Variants in CNTNAP3B observed in about 807,000 individuals in gnomAD.
The protein encoded by CNTNAP3B is contactin associated protein family member 3B.
In CNTNAP3B, 25 loss-of-function variants were observed where a neutral mutation model predicts 108.9. The ratio of observed to expected loss-of-function variants is 0.23; its 90% CI spans 0.17 to 0.32. CNTNAP3B has a LOEUF of 0.32. CNTNAP3B is among the 10% of genes least tolerant of loss of function. The pLI, the probability that CNTNAP3B is intolerant of heterozygous loss-of-function variation, is 1.00. For synonymous variants in CNTNAP3B, 103 were observed against 473.4 expected, an observed-to-expected ratio of 0.22 and a Z score of 10.16; for missense variants, 252 against 1,210.4, an observed-to-expected ratio of 0.21 and a Z score of 11.75.
At chr9:42,045,294 T>G (rs948846502) in intron 3 of CNTNAP3B, among the ~76,000 whole-genome samples, 2 of 120,998 alleles carry the variant, frequency 1.7e-5, no homozygotes, top group African/African-American at 7.5e-5. Flanking sequence ...TGTAAGAAAC[T>G]CAACATGAAA....
intron 13 of CNTNAP3B, among the ~76,000 whole-genome samples, chr9:41,942,829 C>T (rs1381677345): frequency 1.3e-5 from 2 of 151,732 alleles, no homozygotes; most frequent in Non-Finnish European, 2.9e-5. Flanking sequence ...GAAATTTTGG[C>T]CTCTGACACA....
intron 4 of CNTNAP3B, among the ~76,000 whole-genome samples, chr9:42,012,236 C>A (rs1407794151): frequency 8.3e-6 from 1 of 119,946 alleles, no homozygotes; most frequent in African/African-American, 3.4e-5. Context: ...TTCTAAATAT[C>A]AGACATCTTA....
Position 42,037,478 on chromosome 9 carries a change from C to T in CNTNAP3B, c.391-23953G>A, listed in dbSNP as rs1039361910. 1.2e-4 allele frequency among the ~76,000 whole-genome samples: 15 copies of T among 129,250 alleles called. 2 individuals carry two copies. The highest frequency in any genetic ancestry group is 3.1e-4 in the Admixed American group (4 of 12,768). The allele number at this position is 129,250 out of a possible 152,430, so 84.8% of individuals were successfully genotyped here. ...AAACCATGGCAAAAGAACCACATGACGCATGTACGAGCTTCAGTAGCTGAT... is the reference window on the plus strand; with the variant it reads ...AAACCATGGCAAAAGAACCACATGATGCATGTACGAGCTTCAGTAGCTGAT... On this transcript the variant is annotated intron_variant, in intron 3 of 23. Transcript: ENST00000377561.
At chr9:42,048,329 GCTCTCTACACTCC>G (rs1265063288) in intron 3 of CNTNAP3B, among the ~76,000 whole-genome samples, 2 of 24,642 alleles carry the variant, frequency 8.1e-5, no homozygotes, top group Non-Finnish European at 1.7e-4. Flanking sequence ...CCTTTTCTGG[GCTCTCTACACTCC>G]CATCCGCCCA....
chr9:42,047,841 T>C (rs1217774142), intron 3 of CNTNAP3B, among the ~76,000 whole-genome samples: 1 of 113,292 alleles, frequency 8.8e-6, no homozygotes, highest in Admixed American at 9.2e-5. Context: ...CAGATTTCTT[T>C]AGAGGACAAA....
At chr9:42,128,162 A>G (rs1185547060) in intron 1 of CNTNAP3B, among the ~76,000 whole-genome samples, 1 of 138,854 alleles carries the variant, frequency 7.2e-6, no homozygotes, top group African/African-American at 2.9e-5. Context: ...CCGAAAAAAA[A>G]ATGTGCAATG....
At chr9:42,109,175 T>C (rs1229658588) in intron 1 of CNTNAP3B, among the ~76,000 whole-genome samples, 1 of 139,066 alleles carries the variant, frequency 7.2e-6, no homozygotes, top group Non-Finnish European at 1.5e-5. Context: ...GAGACATGGT[T>C]CTAGGTTCAA....
chr9:42,124,053 GT>G (rs1564201862), intron 1 of CNTNAP3B, among the ~76,000 whole-genome samples: 3 of 136,068 alleles, frequency 2.2e-5, no homozygotes, highest in Non-Finnish European at 1.6e-5. Context: ...ACTAGACCAC[GT>G]CTTCTTGGTA....
chr9:41,969,522 G>A (rs1458641443), intron 10 of CNTNAP3B, among the ~76,000 whole-genome samples: 1 of 148,358 alleles, frequency 6.7e-6, no homozygotes, highest in Non-Finnish European at 1.5e-5. Flanking sequence ...TATTAGCTGA[G>A]CAACTCGGGA....
intron 3 of CNTNAP3B, among the ~76,000 whole-genome samples, chr9:42,063,323 C>T (rs1324495188): frequency 1.5e-5 from 2 of 131,100 alleles, no homozygotes; most frequent in African/African-American, 6.2e-5. Flanking sequence ...TCTTGGTTGA[C>T]AGTTTTTGTT....
rs1403959085 is a variant in CNTNAP3B, at chr9:42,077,067, T to A, written c.197-5A>T. On this transcript the variant is annotated splice_region_variant and splice_polypyrimidine_tract_variant and intron_variant, in intron 2 of 23. Coordinates refer to ENST00000377561, the MANE Select transcript of CNTNAP3B (RefSeq NM_001201380.3). ...GTGGGGTCCAGCCACCAGCTCCTTT[T>A]TTGAAACAGAAAAAGTATAAAAATG... is the stretch of plus-strand genomic sequence containing the variant. The A allele has an allele frequency of 1.3e-6, 2 of 1,539,738 alleles. No homozygotes were observed. Among genetic ancestry groups the A allele is most frequent in the Non-Finnish European group, 8.8e-7 (1 of 1,138,600 alleles).
intron 18 of CNTNAP3B, among the ~76,000 whole-genome samples, chr9:41,917,967 A>T (rs1447261129): frequency 6.6e-6 from 1 of 152,310 alleles, no homozygotes; most frequent in Non-Finnish European, 1.5e-5. Context: ...TCTCACTGTT[A>T]TTACTGATTA....
At position 42,026,762 on chromosome 9, in the gene CNTNAP3B, T is replaced by C. The variant is rs1292227360; in HGVS notation, c.391-13237A>G. Among the ~76,000 whole-genome samples the C allele has an allele frequency of 5.2e-5, 7 of 135,026 alleles. 1 individual carries two copies. The highest frequency in any genetic ancestry group is 1.1e-4 in the Non-Finnish European group (7 of 63,900). The allele number at this position is 135,026 out of a possible 152,430, so 88.6% of individuals were successfully genotyped here. On this transcript the variant is annotated intron_variant, in intron 3 of 23. Transcript: ENST00000377561. ...CCGTTAAAACCTATCCTGAATCATA[T>C]AGGACCTGTGAGCCTGTATTACACA... is the stretch of plus-strand genomic sequence containing the variant.
chr9:41,958,382 G>T (rs552759037), intron 12 of CNTNAP3B, among the ~76,000 whole-genome samples: 1 of 152,302 alleles, frequency 6.6e-6, no homozygotes, highest in Non-Finnish European at 1.5e-5. Flanking sequence ...CTGGTCTAAG[G>T]CTATCTTCCC....
At chr9:42,021,978 C>A (rs1197729433) in intron 3 of CNTNAP3B, among the ~76,000 whole-genome samples, 2 of 115,984 alleles carry the variant, frequency 1.7e-5, no homozygotes, top group Non-Finnish European at 3.5e-5. Flanking sequence ...GCAAGCCAAC[C>A]GTGAGAGACA....
intron 13 of CNTNAP3B, among the ~76,000 whole-genome samples, chr9:41,945,429 T>C (rs1824501597): frequency 6.6e-6 from 1 of 152,424 alleles, no homozygotes; most frequent in Non-Finnish European, 1.5e-5. Context: ...TGGAATACTA[T>C]GCAGCCATGA....
intron 3 of CNTNAP3B, among the ~76,000 whole-genome samples, chr9:42,039,088 T>C (rs1277809135): frequency 6.6e-6 from 1 of 152,100 alleles, no homozygotes; most frequent in African/African-American, 2.4e-5. Flanking sequence ...TTTAAAGCAG[T>C]GTGTAGAGGG....
intron 13 of CNTNAP3B, among the ~76,000 whole-genome samples, chr9:41,942,265 G>T (rs1824373579): frequency 6.6e-6 from 1 of 152,260 alleles, no homozygotes; most frequent in African/African-American, 2.4e-5. Flanking sequence ...CATGAGGTCA[G>T]GAGATCGAGA....
rs1283089206 is a variant in CNTNAP3B at position 41,926,427 on chromosome 9, G to T, written c.2366-2334C>A. ...AGGAAGCTACAAGTTTTACAGAAGA[G>T]AATATTTTATTTTTCTTTCTTTCTT... On this transcript the variant is annotated intron_variant, in intron 15 of 23. Transcript: ENST00000377561. Among the ~76,000 whole-genome samples, 14 of 152,102 alleles carry T rather than the reference G, an allele frequency of 9.2e-5. No homozygotes were observed. The South Asian group carries it at 1.7e-3, about 18-fold the overall frequency.
Sources: gnomAD v4.1 joint callset for allele counts (sites outside exome capture counted in the v4.1 genomes callset) on GRCh38, gnomAD v4.1.1 for gene constraint, MANE v1.5 for transcripts, NCBI Gene and HGNC (gene_info 2026-07-23, HGNC 2026-07-21) for gene names.